The following MAN2B2 variants were observed in gnomAD, a reference collection of about 807,000 sequenced individuals.
MAN2B2 encodes mannosidase alpha class 2B member 2, also known as epididymis-specific alpha-mannosidase.
MAN2B2 carries 106 observed loss-of-function variants against 117.1 expected under a neutral mutation model. The observed-to-expected ratio is 0.90, with a 90% CI of 0.77 to 1.06. The LOEUF is 1.06. Ranked by LOEUF, MAN2B2 falls within the 50% of genes least tolerant of loss-of-function variation. The pLI is 0.00. For synonymous variants in MAN2B2, 544 were observed against 595.1 expected (o/e 0.91, Z 1.25); for missense variants, 1,326 against 1,381.4 (o/e 0.96, Z 0.64).
Position 6,621,577 on chromosome 4 carries a change from A to C in MAN2B2, c.*292A>C. ...CATGCGTCATTCATTCACAAAACAC[A>C]AACCCAGGACTTTCTGCCTAAGGCA... is the stretch of plus-strand genomic sequence containing the variant. On this transcript the variant is annotated 3_prime_UTR_variant, in exon 19 of 19. Transcript: ENST00000285599. 1 of 308,096 alleles carries C rather than the reference A, an allele frequency of 3.2e-6. No homozygotes were observed. The highest frequency in any genetic ancestry group is 5.0e-5 in the Admixed American group (1 of 20,090). The allele number at this position is 308,096 out of a possible 1,614,324, so 19.1% of individuals were successfully genotyped here. A position where few individuals can be genotyped will look rare whatever the true frequency, so the allele number is the denominator to read the frequency against.
At chr4:6,620,083 C>G in intron 18 of MAN2B2, 39 bp downstream of exon 18, 1 of 1,541,716 alleles carries the variant, frequency 6.5e-7, no homozygotes, top group Non-Finnish European at 8.8e-7. Context: ...CCCAGGACTC[C>G]CAGCCAGGCT....
chr4:6,617,556 G>T, intron 17 of MAN2B2, 64 bp downstream of exon 17: 1 of 1,593,622 alleles, frequency 6.3e-7, no homozygotes, highest in Non-Finnish European at 8.6e-7. Flanking sequence ...GAAGCCCCAA[G>T]AAACTGCCTT....
Position 6,611,103 on chromosome 4 carries a change from G to A in MAN2B2, c.2388G>A (p.Arg796=), listed in dbSNP as rs756097267. 6.8e-6 allele frequency: 11 copies of A among 1,613,342 alleles called. No individual in the cohort carries two copies. Among genetic ancestry groups the A allele is most frequent in the Non-Finnish European group, 9.3e-6 (11 of 1,179,652 alleles). The change falls in exon 15 of 19, where the codon CGG becomes CGA. Residue 796 remains arginine (R), a synonymous_variant. Coordinates refer to ENST00000285599, the MANE Select transcript of MAN2B2 (RefSeq NM_015274.3). The part of the protein sequence containing the change: ...NGQVEVMLHR[R]LWNNFDWDLG... ...TCCCGCAGGTCATGCTCCACCGGCG[G>A]CTGTGGAACAACTTCGACTGGGACC... is the stretch of plus-strand genomic sequence containing the variant.
intron 13 of MAN2B2, 54 bp from the exon 14 acceptor site, chr4:6,610,826 G>T: frequency 1.3e-6 from 2 of 1,518,592 alleles, no homozygotes; most frequent in South Asian, 2.2e-5. Context: ...GGTGATGCCT[G>T]ACCTACCTTG....
At position 6,612,894 on chromosome 4, in the gene MAN2B2, G is replaced by A. The variant is rs530705631; in HGVS notation, c.2564-1324G>A. Reference sequence around the variant, plus strand: ...CCAAGGGAAGGGCAGGGTGTAATTGGGCCTCAGGGCCTGGAGCCCTCGTGA... The same window carrying A: ...CCAAGGGAAGGGCAGGGTGTAATTGAGCCTCAGGGCCTGGAGCCCTCGTGA... On this transcript the variant is annotated intron_variant, in intron 15 of 18. Coordinates refer to ENST00000285599, the MANE Select transcript of MAN2B2 (RefSeq NM_015274.3). 5.9e-4 allele frequency among the ~76,000 whole-genome samples: 90 copies of A among 152,316 alleles called. 1 individual carries two copies. The highest frequency in any genetic ancestry group is 4.6e-4 in the Non-Finnish European group (31 of 68,026).
At chr4:6,576,487 C>T (rs572935042) in intron 1 of MAN2B2, 91 bp from the exon 2 acceptor site, 79 of 1,491,064 alleles carry the variant, frequency 5.3e-5, no homozygotes, top group Non-Finnish European at 7.3e-5. Context: ...GAGCCCCCAA[C>T]CCCATGCAGA....
intron 17 of MAN2B2, 138 bp downstream of exon 17, chr4:6,617,630 C>G: frequency 6.7e-7 from 1 of 1,500,502 alleles, no homozygotes; most frequent in Non-Finnish European, 8.9e-7. Flanking sequence ...CCCCGCCCTT[C>G]TTCATGGTCT....
chr4:6,612,913 C>G (rs1332591743), intron 15 of MAN2B2, among the ~76,000 whole-genome samples: 1 of 152,240 alleles, frequency 6.6e-6, no homozygotes, highest in Non-Finnish European at 1.5e-5. Flanking sequence ...GCCTGGAGCC[C>G]TCGTGAGGCT....
At chr4:6,583,037 C>T (rs1726495636) in intron 3 of MAN2B2, among the ~76,000 whole-genome samples, 2 of 152,186 alleles carry the variant, frequency 1.3e-5, no homozygotes, top group Admixed American at 1.3e-4. Context: ...CATGGAGTGA[C>T]CCAGGGATCC....
At chr4:6,610,808 G>A in intron 13 of MAN2B2, 72 bp from the exon 14 acceptor site, 1 of 1,307,134 alleles carries the variant, frequency 7.7e-7, no homozygotes, top group Non-Finnish European at 1.1e-6. Context: ...CAGCTGGGGT[G>A]GCCAGAGGGT....
intron 5 of MAN2B2, among the ~76,000 whole-genome samples, chr4:6,590,512 G>C (rs1054285550): frequency 6.6e-6 from 1 of 152,214 alleles, no homozygotes; most frequent in Non-Finnish European, 1.5e-5. Context: ...TGAGGAAGTT[G>C]AATGTGCTGA....
rs574154497 is a variant in MAN2B2, at chr4:6,580,339, C to T, written c.391+1841C>T. 3.9e-5 allele frequency among the ~76,000 whole-genome samples: 6 copies of T among 152,256 alleles called. No individual in the cohort carries two copies. In the South Asian group the frequency reaches 1.2e-3, roughly 32 times the overall value. ...GCAAGGCTCAGAGGGAGCACCTTGC[C>T]CTCAGCCGCCTGCTGTGGCTCCCTG... is the stretch of plus-strand genomic sequence containing the variant. On this transcript the variant is annotated intron_variant, in intron 3 of 18. Transcript: ENST00000285599.
intron 11 of MAN2B2, among the ~76,000 whole-genome samples, chr4:6,606,555 G>A (rs1287971486): frequency 6.6e-6 from 1 of 152,230 alleles, no homozygotes. Flanking sequence ...CTAAGCCAGG[G>A]TCCCACCCGG....
chr4:6,610,844 C>A lies in MAN2B2; in HGVS notation c.2260-36C>A, dbSNP rs772008155. 3.1e-6 allele frequency: 5 copies of A among 1,594,056 alleles called. No homozygotes were observed. The East Asian group carries it at 1.1e-4, about 36-fold the overall frequency. ...GATGCCTGACCTACCTTGCCCTTTGCCCCAATCGCCCACCTGGCGATGTTT... is the reference window on the plus strand; with the variant it reads ...GATGCCTGACCTACCTTGCCCTTTGACCCAATCGCCCACCTGGCGATGTTT... On this transcript the variant is annotated intron_variant, in intron 13 of 18. Coordinates refer to ENST00000285599, the MANE Select transcript of MAN2B2 (RefSeq NM_015274.3).
In MAN2B2 at chr4:6,605,172, C is replaced by G. The variant is rs753298369; in HGVS notation, c.1657C>G (p.Gln553Glu). Reference sequence around the variant, plus strand: ...CACTGCAGGGGCCCAAGAGGGCACCCAGGAGCCGGCTGCCACTGTGGCGAG... The same window carrying G: ...CACTGCAGGGGCCCAAGAGGGCACCGAGGAGCCGGCTGCCACTGTGGCGAG... ...RPTAGAQEGT[Q>E]EPAATVASTL... Residue 553 changes from glutamine (Q) to glutamate (E), a missense_variant, in exon 11 of 19, where the codon CAG becomes GAG. By Grantham distance (29) the Gln-to-Glu change is conservative. Transcript: ENST00000285599. 2.5e-6 allele frequency: 4 copies of G among 1,614,072 alleles called. No individual in the cohort carries two copies.
chr4:6,609,330 G>A (rs1303001757), intron 12 of MAN2B2, 32 bp downstream of exon 12: 19 of 1,602,970 alleles, frequency 1.2e-5, no homozygotes, highest in Admixed American at 6.7e-5. Flanking sequence ...CCACAGCCCG[G>A]CACACAGTCA....
chr4:6,586,851 C>T, intron 3 of MAN2B2, 145 bp from the exon 4 acceptor site: 1 of 640,372 alleles, frequency 1.6e-6, no homozygotes, highest in Non-Finnish European at 2.7e-6. Context: ...TTAACACCCT[C>T]ACCTCTGCAG....
intron 3 of MAN2B2, among the ~76,000 whole-genome samples, chr4:6,586,696 G>A (rs1726644785): frequency 6.6e-6 from 1 of 152,216 alleles, no homozygotes; most frequent in Non-Finnish European, 1.5e-5. Context: ...TTCAACTTGG[G>A]AAGAGGAGAA....
At chr4:6,579,343 TCACCATCACCAC>T (rs1726314386) in intron 3 of MAN2B2, among the ~76,000 whole-genome samples, 2 of 28,490 alleles carry the variant, frequency 7.0e-5, no homozygotes, top group East Asian at 1.6e-3. Context: ...ACCACCACCA[TCACCATCACCAC>T]CACCATCACC....
Sources: gnomAD v4.1 joint callset for allele counts (sites outside exome capture counted in the v4.1 genomes callset) on GRCh38, gnomAD v4.1.1 for gene constraint, MANE v1.5 for transcripts, NCBI Gene and HGNC (gene_info 2026-07-23, HGNC 2026-07-21) for gene names.